Variants in BCAS3 observed in about 807,000 individuals in gnomAD.
The protein encoded by BCAS3 is BCAS4/BCAS3 fusion.
In BCAS3, 53 loss-of-function variants were observed where a neutral mutation model predicts 116.1. The ratio of observed to expected loss-of-function variants is 0.46; its 90% CI spans 0.37 to 0.57. The LOEUF (loss-of-function observed/expected upper bound fraction) is 0.57, where lower values mean the gene tolerates loss of function less well. Ranked by LOEUF, BCAS3 falls within the 20% of genes least tolerant of loss-of-function variation. The pLI is 0.00. For missense variants in BCAS3, 917 were observed against 1,165.4 expected (o/e 0.79, Z 3.10); for synonymous variants, 391 against 408.2 (o/e 0.96, Z 0.51).
At chr17:61,269,802 CT>C (rs775560445) in intron 22 of BCAS3, among the ~76,000 whole-genome samples, 592 of 139,490 alleles carry the variant, frequency 4.2e-3, no homozygotes, top group Middle Eastern at 0.011. Context: ...TTCTTTCTTT[CT>C]TTTTTTTTTT....
chr17:60,871,538 G>A (rs1457301442), intron 8 of BCAS3, among the ~76,000 whole-genome samples: 1 of 151,244 alleles, frequency 6.6e-6, no homozygotes, highest in East Asian at 1.9e-4. Context: ...GTAGCGTGGG[G>A]TATGTGTTGA....
At chr17:60,712,320 G>A (rs1257223901) in intron 5 of BCAS3, among the ~76,000 whole-genome samples, 2 of 151,832 alleles carry the variant, frequency 1.3e-5, no homozygotes. Flanking sequence ...AGGCTGCAGT[G>A]AGCCATGATT....
intron 7 of BCAS3, among the ~76,000 whole-genome samples, chr17:60,809,712 G>A (rs1211917700): frequency 6.6e-6 from 1 of 152,234 alleles, no homozygotes; most frequent in African/African-American, 2.4e-5. Flanking sequence ...GGTTAGCTGA[G>A]GCTTCATGCA....
intron 19 of BCAS3, among the ~76,000 whole-genome samples, chr17:61,045,918 TATATA>T (rs1393931105): frequency 4.0e-5 from 1 of 25,282 alleles, no homozygotes; most frequent in Non-Finnish European, 5.3e-5. Context: ...TATATTTATA[TATATA>T]ATATATATAA....
intron 23 of BCAS3, among the ~76,000 whole-genome samples, chr17:61,374,123 A>G (rs979793649): frequency 1.2e-4 from 18 of 147,082 alleles, no homozygotes; most frequent in Non-Finnish European, 2.7e-4. Context: ...GCCCCCATTT[A>G]AAGTATTCTT....
chr17:60,718,570 G>T (rs1257557884), intron 5 of BCAS3, among the ~76,000 whole-genome samples: 2 of 152,074 alleles, frequency 1.3e-5, no homozygotes, highest in Non-Finnish European at 2.9e-5. Context: ...GAGTAGTTGG[G>T]ATTACTGGCA....
intron 22 of BCAS3, among the ~76,000 whole-genome samples, chr17:61,317,861 G>A (rs2054874449): frequency 6.6e-6 from 1 of 152,238 alleles, no homozygotes; most frequent in Admixed American, 6.5e-5. Flanking sequence ...GCCATGGGAG[G>A]CCTGATGTGG....
chr17:60,694,450 G>A (rs994721113), intron 4 of BCAS3, among the ~76,000 whole-genome samples: 1 of 151,908 alleles, frequency 6.6e-6, no homozygotes, highest in Non-Finnish European at 1.5e-5. Flanking sequence ...GCAACAAGCC[G>A]AGACTGTGCC....
Position 61,196,547 on chromosome 17 carries a change from C to CA in BCAS3, c.2425+111985dup, listed in dbSNP as rs1459457940. Among the ~76,000 whole-genome samples the CA allele has an allele frequency of 6.6e-6, 1 of 152,188 alleles. No individual in the cohort carries two copies. Among genetic ancestry groups the CA allele is most frequent in the African/African-American group, 2.4e-5 (1 of 41,454 alleles). On this transcript the variant is annotated intron_variant, in intron 22 of 23. Transcript: ENST00000407086. The surrounding 1 kb of genome is among the most constrained non-coding windows in gnomAD (Gnocchi z 4.7). ...AGCTGGGAAGGGTTGGAAGTAGCCC[C>CA]AAGGCTGGTTAGTCCCCTTCCAGAT...
chr17:60,924,590 C>T (rs2059275668), intron 13 of BCAS3, 90 bp downstream of exon 13: 2 of 959,956 alleles, frequency 2.1e-6, no homozygotes, highest in Admixed American at 2.5e-5. Context: ...TGGAATCTGA[C>T]TTTTCTTCAT....
intron 6 of BCAS3, among the ~76,000 whole-genome samples, chr17:60,781,324 C>T (rs2045817207): frequency 6.6e-6 from 1 of 151,692 alleles, no homozygotes; most frequent in Admixed American, 6.6e-5. Flanking sequence ...TCCAGCTGGC[C>T]ATGGTGGTTC....
intron 22 of BCAS3, among the ~76,000 whole-genome samples, chr17:61,178,239 G>A (rs987117015): frequency 6.6e-6 from 1 of 151,952 alleles, no homozygotes; most frequent in Non-Finnish European, 1.5e-5. Flanking sequence ...TATTAGTTTA[G>A]TACTTTAAAC....
At chr17:60,810,121 A>G (rs192413449) in intron 7 of BCAS3, 2 of 340,494 alleles carry the variant, frequency 5.9e-6, no homozygotes, top group East Asian at 1.6e-4. Context: ...ACTGGTCTTC[A>G]GAAAAGCCTG....
intron 22 of BCAS3, among the ~76,000 whole-genome samples, chr17:61,253,076 A>C (rs2048491962): frequency 6.6e-6 from 1 of 150,998 alleles, no homozygotes; most frequent in African/African-American, 2.4e-5. Flanking sequence ...GGGTTCCACC[A>C]TGTTGACCAG....
rs189813549 is a variant in BCAS3 at position 60,855,493 on chromosome 17, C to T, written c.477-13083C>T. Among the ~76,000 whole-genome samples, 402 of 128,138 alleles carry T rather than the reference C, an allele frequency of 3.1e-3. 1 individual carries two copies. The highest frequency in any genetic ancestry group is 0.011 in the African/African-American group (377 of 33,116). 84.1% of individuals were successfully genotyped at this position (128,138 alleles called of 152,430 possible). A position where few individuals can be genotyped will look rare whatever the true frequency, so the allele number is the denominator to read the frequency against. ...TTTTTGAGGCAGAGTCTTGCTCTGT[C>T]GCCCAGGCTGGAGTGCAGTGGTGAG... On this transcript the variant is annotated intron_variant, in intron 7 of 23. Transcript: ENST00000407086.
At position 61,056,175 on chromosome 17, in the gene BCAS3, A is replaced by G. The variant is rs141212461; in HGVS notation, c.2029+15283A>G. Among the ~76,000 whole-genome samples the G allele has an allele frequency of 2.6e-3, 400 of 152,336 alleles. 3 individuals are homozygous for G. Among genetic ancestry groups the G allele is most frequent in the African/African-American group, 9.3e-3 (386 of 41,580 alleles). The stretch of plus-strand genomic sequence containing the variant: ...TCTCCAGCTCCAAGTGTATAGACAG[A>G]CTTGGGAAGAGATGGAGATAGAAAT... On this transcript the variant is annotated intron_variant, in intron 19 of 23. Coordinates refer to ENST00000407086, the MANE Select transcript of BCAS3 (RefSeq NM_017679.5). This position sits in a 1 kb window ranked among gnomAD's most constrained non-coding sequence, Gnocchi z 4.9.
chr17:60,732,395 A>G (rs2040546646), intron 5 of BCAS3, among the ~76,000 whole-genome samples: 1 of 152,188 alleles, frequency 6.6e-6, no homozygotes, highest in Admixed American at 6.5e-5. Flanking sequence ...TAAATAGATA[A>G]AACTTAGGGA....
At chr17:61,321,075 G>A (rs77155222) in intron 22 of BCAS3, among the ~76,000 whole-genome samples, 1 of 152,096 alleles carries the variant, frequency 6.6e-6, no homozygotes, top group Non-Finnish European at 1.5e-5. Flanking sequence ...ATAAAGCTGA[G>A]ACTAGAACTC....
At chr17:60,887,696 T>C (rs774307566) in intron 9 of BCAS3, among the ~76,000 whole-genome samples, 58 of 152,156 alleles carry the variant, frequency 3.8e-4, no homozygotes, top group Non-Finnish European at 7.6e-4. Context: ...AAAAAAGGGC[T>C]CAGACTTTTT....
Sources: allele counts gnomAD v4.1 joint callset (sites outside exome capture counted in the v4.1 genomes callset), GRCh38; gene constraint gnomAD v4.1.1; non-coding constraint Gnocchi (gnomAD v3.1); transcripts MANE v1.5; gene names NCBI Gene and HGNC (gene_info 2026-07-23, HGNC 2026-07-21).